NCOA6: variants seen among roughly 807,000 people sequenced by gnomAD.
NCOA6 encodes nuclear receptor coactivator 6, also known as NRC RAP250.
Under a neutral mutation model 171.4 loss-of-function variants are expected in NCOA6, and 49 were observed. The observed-to-expected ratio is 0.29, with a 90% CI of 0.23 to 0.36. The LOEUF is 0.36. NCOA6 is among the 10% of genes least tolerant of loss of function. The probability of loss-of-function intolerance (pLI) is 1.00; values close to 1 mark genes in which losing one functional copy is unlikely to be tolerated. For synonymous variants in NCOA6, 910 were observed against 927.5 expected (o/e 0.98, Z 0.34); for missense variants, 2,248 against 2,554.5 (o/e 0.88, Z 2.59).
chr20:34,813,204 G>A (rs530692045), intron 1 of NCOA6, among the ~76,000 whole-genome samples: 1 of 151,572 alleles, frequency 6.6e-6, no homozygotes, highest in Admixed American at 6.6e-5. Context: ...AGTGGTTCAC[G>A]CCTGTATTCC....
At chr20:34,756,649 T>C (rs2076649491) in intron 7 of NCOA6, among the ~76,000 whole-genome samples, 2 of 152,232 alleles carry the variant, frequency 1.3e-5, no homozygotes, top group Non-Finnish European at 2.9e-5. Context: ...AAATCTCCTT[T>C]AGGTATAACT....
chr20:34,772,701 A>G (rs1397284639), intron 4 of NCOA6, among the ~76,000 whole-genome samples: 1 of 151,694 alleles, frequency 6.6e-6, no homozygotes, highest in African/African-American at 2.4e-5. Context: ...CGGGGCTGCC[A>G]TTATGGTGGG....
chr20:34,776,345 C>T lies in NCOA6; in HGVS notation c.339G>A (p.Gln113=), dbSNP rs774568373. 4 of 1,614,080 alleles carry T rather than the reference C, an allele frequency of 2.5e-6. No individual in the cohort carries two copies. The highest frequency in any genetic ancestry group is 2.5e-6 in the Non-Finnish European group (3 of 1,180,040). ...AATCCCGAAGCTGCTGGTTGTTGCT[C>T]TGAGCAAGGATCCGTAGCCGCTCCG... ...EAAERLRILA[Q]SNNQQLRDLG... Residue 113 remains glutamine, a synonymous_variant, in exon 4 of 15, where the codon CAG becomes CAA. Transcript: ENST00000359003.
intron 1 of NCOA6, among the ~76,000 whole-genome samples, chr20:34,794,321 A>G (rs2077991493): frequency 6.6e-6 from 1 of 152,158 alleles, no homozygotes; most frequent in African/African-American, 2.4e-5. Context: ...AATTGCATAA[A>G]CTATTAACCT....
At chr20:34,808,978 C>G (rs192419573) in intron 1 of NCOA6, among the ~76,000 whole-genome samples, 168 of 152,284 alleles carry the variant, frequency 1.1e-3, no homozygotes, top group Non-Finnish European at 1.8e-3. Context: ...CTGAATGAAA[C>G]TAACTATATA....
chr20:34,774,336 G>A (rs2077245136), intron 4 of NCOA6, among the ~76,000 whole-genome samples: 1 of 152,210 alleles, frequency 6.6e-6, no homozygotes, highest in Non-Finnish European at 1.5e-5. Context: ...ACAGATTGCT[G>A]TGAATTAATT....
chr20:34,729,243 G>T (rs555190921), intron 13 of NCOA6, among the ~76,000 whole-genome samples: 1 of 152,156 alleles, frequency 6.6e-6, no homozygotes, highest in Non-Finnish European at 1.5e-5. Flanking sequence ...GAGCCACAAC[G>T]CCCAGCCCTA....
chr20:34,773,515 C>T (rs939150711), intron 4 of NCOA6, among the ~76,000 whole-genome samples: 4 of 150,482 alleles, frequency 2.7e-5, no homozygotes, highest in Non-Finnish European at 4.4e-5. Context: ...AGTGCAGTGG[C>T]GTGATCTCGG....
chr20:34,792,386 A>G (rs2077916237), intron 2 of NCOA6, 64 bp downstream of exon 2: 1 of 376,020 alleles, frequency 2.7e-6, no homozygotes, highest in Non-Finnish European at 4.7e-6. Context: ...AGTATCAGAA[A>G]AAAAAAAAAA....
chr20:34,734,894 C>T (rs2075902220), intron 12 of NCOA6, among the ~76,000 whole-genome samples: 2 of 151,970 alleles, frequency 1.3e-5, no homozygotes, highest in Admixed American at 6.6e-5. Flanking sequence ...GTGATCTGAC[C>T]GCCTCGGCCT....
chr20:34,798,397 C>T (rs568794118), intron 1 of NCOA6, among the ~76,000 whole-genome samples: 1 of 152,302 alleles, frequency 6.6e-6, no homozygotes, highest in African/African-American at 2.4e-5. Flanking sequence ...AACTTGCTGC[C>T]CTGAAGGGAA....
At chr20:34,787,343 G>T (rs948876799) in intron 2 of NCOA6, among the ~76,000 whole-genome samples, 5 of 151,812 alleles carry the variant, frequency 3.3e-5, no homozygotes, top group Non-Finnish European at 7.4e-5. Flanking sequence ...TGCCAACACA[G>T]TAAGACCCCG....
chr20:34,771,329 T>C (rs1487934375), intron 4 of NCOA6, among the ~76,000 whole-genome samples: 1 of 152,040 alleles, frequency 6.6e-6, no homozygotes, highest in African/African-American at 2.4e-5. Flanking sequence ...AGACAGGGTA[T>C]CACTATATTG....
At chr20:34,717,112 G>GT (rs911399862) in intron 14 of NCOA6, among the ~76,000 whole-genome samples, 2 of 152,160 alleles carry the variant, frequency 1.3e-5, no homozygotes, top group Non-Finnish European at 2.9e-5. Flanking sequence ...TATGTAGATT[G>GT]TAAGGAAAAA....
chr20:34,785,183 T>C (rs1271325510), intron 2 of NCOA6, among the ~76,000 whole-genome samples: 1 of 151,932 alleles, frequency 6.6e-6, no homozygotes, highest in Non-Finnish European at 1.5e-5. Flanking sequence ...GGGGAAAAAT[T>C]CTTCTGTTAT....
chr20:34,776,391 A>T lies in NCOA6; in HGVS notation c.293T>A (p.Phe98Tyr). Residue 98 changes from phenylalanine to tyrosine, a missense_variant, in exon 4 of 15, where the codon TTC becomes TAC. Physicochemically the swap from Phe to Tyr is conservative, Grantham distance 22. This residue lies in a region of NCOA6 where 987 missense variants were observed against 1,104.7 expected (regional missense o/e 0.89). Coordinates refer to ENST00000359003, the MANE Select transcript of NCOA6 (RefSeq NM_014071.5). Reference sequence around the variant, plus strand: ...CTCCGCTGCTTCCCGGGGGATGTTGAATGTCACACGCACGCTGTTCCAGGG... The same window carrying T: ...CTCCGCTGCTTCCCGGGGGATGTTGTATGTCACACGCACGCTGTTCCAGGG... ...VEPWNSVRVT[F>Y]NIPREAAERL... is the part of the protein sequence containing the mutation. 1.2e-6 allele frequency: 2 copies of T among 1,614,146 alleles called. No individual in the cohort carries two copies. The highest frequency in any genetic ancestry group is 1.7e-6 in the Non-Finnish European group (2 of 1,180,026).
chr20:34,794,687 A>T (rs1335324124), intron 1 of NCOA6, among the ~76,000 whole-genome samples: 1 of 152,142 alleles, frequency 6.6e-6, no homozygotes, highest in East Asian at 1.9e-4. Flanking sequence ...TCTAGAAAGA[A>T]ATATAAGACC....
intron 5 of NCOA6, among the ~76,000 whole-genome samples, chr20:34,766,611 C>T (rs1348885236): frequency 6.6e-6 from 1 of 152,116 alleles, no homozygotes; most frequent in Admixed American, 6.6e-5. Context: ...AGTAAACATG[C>T]TTGCTATTTG....
chr20:34,793,962 T>C (rs1481572056), intron 1 of NCOA6, among the ~76,000 whole-genome samples: 1 of 152,142 alleles, frequency 6.6e-6, no homozygotes, highest in Non-Finnish European at 1.5e-5. Context: ...ATGTTTACCC[T>C]CACACAAAAG....
Sources: gnomAD v4.1 joint callset for allele counts (sites outside exome capture counted in the v4.1 genomes callset) on GRCh38, gnomAD v4.1.1 for gene constraint, gnomAD v4.1.1 regional missense constraint, MANE v1.5 for transcripts, NCBI Gene and HGNC (gene_info 2026-07-23, HGNC 2026-07-21) for gene names.